CIC: variants seen among roughly 807,000 people sequenced by gnomAD.
CIC encodes capicua transcriptional repressor, also known as protein capicua homolog.
In CIC, 18 loss-of-function variants were observed where a neutral mutation model predicts 115.7. The observed-to-expected ratio is 0.16, with a 90% confidence interval of 0.11 to 0.23. The LOEUF (loss-of-function observed/expected upper bound fraction) is 0.23, where lower values mean the gene tolerates loss of function less well. Ranked by LOEUF, CIC falls within the 10% of genes least tolerant of loss-of-function variation. The probability of loss-of-function intolerance (pLI) is 1.00; values close to 1 mark genes in which losing one functional copy is unlikely to be tolerated. For missense variants in CIC, 2,000 were observed against 2,159.3 expected (o/e 0.93, Z 1.46); for synonymous variants, 1,076 against 923.0 (o/e 1.17, Z -3.01).
rs2036748953 is a variant in CIC, at chr19:42,270,708, A to C, written c.-10-1066A>C. ...CAGGGCGGGGATGCATGCAGGCAAG[A>C]AGAGGGGGGCTGGGCTTGCGGGTAT... On this transcript the variant is annotated intron_variant, in intron 1 of 20. Coordinates refer to ENST00000681038, the MANE Select transcript of CIC (RefSeq NM_001386298.1). This position sits in a 1 kb window ranked among gnomAD's most constrained non-coding sequence, Gnocchi z 4.1. Among the ~76,000 whole-genome samples the C allele has an allele frequency of 6.6e-6, 1 of 151,918 alleles. No individual in the cohort carries two copies. The highest frequency in any genetic ancestry group is 2.1e-4 in the South Asian group (1 of 4,806).
In CIC at chr19:42,293,725, G is replaced by A. The variant is rs2147333565; in HGVS notation, c.6656G>A (p.Ser2219Asn). Residue 2219 changes from serine (S) to asparagine (N), a missense_variant, in exon 17 of 21, where the codon AGC (serine) becomes AAC (asparagine). Ser to Asn is a conservative substitution (Grantham distance 46). Transcript: ENST00000681038. ...GCCCCTGGTGGCAGCAGCGAGAGCA[G>A]CAGTGGGCGGGCAGCCGGGGACACC... ...AVAPGGSSES[S>N]SGRAAGDTPE... 6.2e-7 allele frequency: 1 copy of A among 1,612,930 alleles called. No individual in the cohort carries two copies. Among genetic ancestry groups the A allele is most frequent in the Non-Finnish European group, 8.5e-7 (1 of 1,179,822 alleles).
chr19:42,271,981 G>T lies in CIC; in HGVS notation c.198G>T (p.Glu66Asp), dbSNP rs1317303291. The T allele has an allele frequency of 1.3e-5, 5 of 399,352 alleles. No individual in the cohort carries two copies. Among genetic ancestry groups the T allele is most frequent in the Non-Finnish European group, 1.8e-5 (4 of 226,524 alleles). The allele number at this position is 399,352 out of a possible 1,614,324, so 24.7% of individuals were successfully genotyped here. ...PEEAEEGEEE[E>D]AERGPGAEGP... ...AGGCTGAGGAAGGGGAGGAGGAGGA[G>T]GCTGAGCGGGGCCCTGGGGCTGAAG... Residue 66 changes from glutamate to aspartate, a missense_variant, in exon 2 of 21, where the codon GAG becomes GAT. Glu to Asp is a conservative substitution (Grantham distance 45, BLOSUM62 2). Coordinates refer to ENST00000681038, the MANE Select transcript of CIC (RefSeq NM_001386298.1).
At chr19:42,282,168 C>CT (rs143710083) in intron 2 of CIC, among the ~76,000 whole-genome samples, 1 of 152,348 alleles carries the variant, frequency 6.6e-6, no homozygotes, top group East Asian at 1.9e-4. Flanking sequence ...CTAATAGTCC[C>CT]TCTGGTTGCC....
Position 42,290,596 on chromosome 19 carries a change from G to A in CIC, c.4555G>A (p.Glu1519Lys). The change falls in exon 11 of 21, where the codon GAG becomes AAG. Residue 1519 changes from glutamate to lysine, a missense_variant. By Grantham distance (56) the Glu-to-Lys change is moderately conservative. Coordinates refer to ENST00000681038, the MANE Select transcript of CIC (RefSeq NM_001386298.1). Reference sequence around the variant, plus strand: ...GAGACCCGAAAGTGTGGGTGGCCTGGAGCCACCAGGCCCCTCAGTCATCGC... The same window carrying A: ...GAGACCCGAAAGTGTGGGTGGCCTGAAGCCACCAGGCCCCTCAGTCATCGC... ...RKRPESVGGLEPPGPSVIAAP... is the reference protein window; with the variant it reads ...RKRPESVGGLKPPGPSVIAAP... 1 of 1,613,760 alleles carries A rather than the reference G, an allele frequency of 6.2e-7. No homozygotes were observed. The highest frequency in any genetic ancestry group is 8.5e-7 in the Non-Finnish European group (1 of 1,179,946).
In CIC at chr19:42,290,346, A is replaced by G; in HGVS notation, c.4305A>G (p.Lys1435=). Residue 1435 remains lysine, a synonymous_variant, in exon 11 of 21, where the codon AAA becomes AAG. Transcript: ENST00000681038. ...GPPDPPVAFG[K]GYGSAPSSSA... is the part of the protein sequence containing the mutation. ...CGGATCCTCCTGTAGCCTTTGGCAA[A>G]GGCTATGGTTCCGCCCCATCCTCCT... 6.2e-7 allele frequency: 1 copy of G among 1,613,956 alleles called. No homozygotes were observed. Among genetic ancestry groups the G allele is most frequent in the Non-Finnish European group, 8.5e-7 (1 of 1,179,948 alleles).
intron 7 of CIC, 135 bp from the exon 8 acceptor site, chr19:42,288,753 T>C (rs2037849255): frequency 1.2e-6 from 1 of 803,246 alleles, no homozygotes. Context: ...GTGGTGGTTT[T>C]TTTTTTTCAC....
chr19:42,276,948 T>C (rs918930366), intron 2 of CIC, among the ~76,000 whole-genome samples: 3 of 152,184 alleles, frequency 2.0e-5, no homozygotes, highest in Non-Finnish European at 4.4e-5. Flanking sequence ...AGAGTCTTGA[T>C]TGAGGCCAGC....
At chr19:42,288,422 GC>G (rs948908486) in intron 7 of CIC, among the ~76,000 whole-genome samples, 2 of 152,180 alleles carry the variant, frequency 1.3e-5, no homozygotes, top group Non-Finnish European at 2.9e-5. Context: ...CCCCTGATGG[GC>G]TGCTTCCACT....
chr19:42,279,334 A>C lies in CIC; in HGVS notation c.2794+4757A>C, dbSNP rs111886321. 1.3e-3 allele frequency among the ~76,000 whole-genome samples: 194 copies of C among 152,304 alleles called. 2 individuals carry two copies. Among genetic ancestry groups the C allele is most frequent in the African/African-American group, 4.2e-3 (174 of 41,566 alleles). ...CCTGGGGCAGGTGGGTGAGGAAGGC[A>C]GATGTGGATGCAGGCACAGGCAAGG... On this transcript the variant is annotated intron_variant, in intron 2 of 20. Transcript: ENST00000681038.
chr19:42,288,069 C>A lies in CIC; in HGVS notation c.3658+94C>A. The stretch of plus-strand genomic sequence containing the variant: ...TTGCTCCTCCCCTGCCCCAGCAGCT[C>A]CTCTCTGCTCTATCGCTTTAATTTG... On this transcript the variant is annotated intron_variant, in intron 7 of 20. Coordinates refer to ENST00000681038, the MANE Select transcript of CIC (RefSeq NM_001386298.1). 2.1e-6 allele frequency: 3 copies of A among 1,397,394 alleles called. No individual in the cohort carries two copies. In the South Asian group the frequency reaches 3.7e-5, roughly 17 times the overall value. 86.6% of individuals were successfully genotyped at this position (1,397,394 alleles called of 1,614,324 possible).
rs1162573745 is a variant in CIC, at chr19:42,295,153, C to A, written c.7516C>A (p.Pro2506Thr). The A allele has an allele frequency of 6.8e-7, 1 of 1,462,806 alleles. No individual in the cohort carries two copies. Among genetic ancestry groups the A allele is most frequent in the Non-Finnish European group, 9.0e-7 (1 of 1,110,622 alleles). 90.6% of individuals were successfully genotyped at this position (1,462,806 alleles called of 1,614,324 possible). Reference protein sequence around the residue: ...GWEGAPQPSPPPPGPSTAATG... With the variant: ...GWEGAPQPSPTPPGPSTAATG... Reference sequence around the variant, plus strand: ...GGAGGGGGCTCCCCAGCCCTCCCCCCCACCCCCAGGTCCCTCCACAGCTGC... The same window carrying A: ...GGAGGGGGCTCCCCAGCCCTCCCCCACACCCCCAGGTCCCTCCACAGCTGC... Residue 2506 changes from proline to threonine, a missense_variant, in exon 21 of 21, where the codon CCA becomes ACA. Coordinates refer to ENST00000681038, the MANE Select transcript of CIC (RefSeq NM_001386298.1).
At chr19:42,284,927 A>G (rs2037520247) in intron 2 of CIC, among the ~76,000 whole-genome samples, 1 of 152,020 alleles carries the variant, frequency 6.6e-6, no homozygotes. Flanking sequence ...CCGAGTGGTT[A>G]GTGATGGCAG....
In CIC at chr19:42,290,873, A is replaced by G. The variant is rs202135824; in HGVS notation, c.4832A>G (p.Asn1611Ser). Residue 1611 changes from asparagine to serine, a missense_variant, in exon 11 of 21, where the codon AAT (asparagine) becomes AGT (serine). Physicochemically the swap from Asn to Ser is conservative, Grantham distance 46 (BLOSUM62 1). This residue lies in a region of CIC where 1,466 missense variants were observed against 1,390.4 expected (regional missense o/e 1.05). Transcript: ENST00000681038. ...TCTGGCCGGGCTGAGGCGTCTCCAA[A>G]TGACACAGCAGGTGCCAGGACTGAA... is the stretch of plus-strand genomic sequence containing the variant. ...PTSGRAEASP[N>S]DTAGARTEMG... The G allele has an allele frequency of 2.2e-4, 351 of 1,612,806 alleles. 4 individuals carry two copies. In the East Asian group the frequency reaches 7.7e-3, roughly 35 times the overall value.
At position 42,294,847 on chromosome 19, in the gene CIC, G is replaced by T. The variant is rs2038401349; in HGVS notation, c.7210G>T (p.Ala2404Ser). 3.7e-6 allele frequency: 6 copies of T among 1,601,434 alleles called. No homozygotes were observed. The East Asian group carries it at 1.3e-4, about 36-fold the overall frequency. ...PSAQATAAFQ[A>S]RYADIFPSKV... is the part of the protein sequence containing the mutation. ...AGCCCAGGCCACAGCCGCCTTCCAG[G>T]CCCGCTATGCAGACATCTTTCCCTC... The change falls in exon 21 of 21, where the codon GCC (alanine) becomes TCC (serine). Residue 2404 changes from alanine to serine, a missense_variant. Around this residue, in one of 8 missense-constraint regions of CIC, gnomAD observed 17 missense variants for 17.8 expected, o/e 0.95. Coordinates refer to ENST00000681038, the MANE Select transcript of CIC (RefSeq NM_001386298.1).
rs772983552 is a variant in CIC, at chr19:42,292,216, A to T, written c.5735+9A>T. On this transcript the variant is annotated intron_variant, in intron 13 of 20. Coordinates refer to ENST00000681038, the MANE Select transcript of CIC (RefSeq NM_001386298.1). ...TTGCCCTCCTCCACCAGGTAATTGC[A>T]GCTGAGCCCATACTCAGAGGCCAGG... 23 of 1,613,802 alleles carry T rather than the reference A, an allele frequency of 1.4e-5. No homozygotes were observed. Among genetic ancestry groups the T allele is most frequent in the Non-Finnish European group, 1.9e-5 (22 of 1,180,012 alleles).
chr19:42,271,549 G>A (rs922320852), intron 1 of CIC, among the ~76,000 whole-genome samples: 2 of 152,226 alleles, frequency 1.3e-5, no homozygotes, highest in African/African-American at 4.8e-5. Context: ...GCCAGCAGGT[G>A]TCTGTTCCCC....
rs1161854783 is a variant in CIC at position 42,272,038 on chromosome 19, G to A, written c.255G>A (p.Pro85=). ...CACTGGAGCTGCACCCTGGCGACCC[G>A]GCTCCAGGCCCAGCAGAGGACCCCA... ...GPPLELHPGD[P]APGPAEDPKG... Residue 85 remains proline, a synonymous_variant, in exon 2 of 21, where the codon CCG becomes CCA. Transcript: ENST00000681038. 4 of 398,850 alleles carry A rather than the reference G, an allele frequency of 1.0e-5. No individual in the cohort carries two copies. Among genetic ancestry groups the A allele is most frequent in the Non-Finnish European group, 1.8e-5 (4 of 226,186 alleles). 24.7% of individuals were successfully genotyped at this position (398,850 alleles called of 1,614,324 possible). A position where few individuals can be genotyped will look rare whatever the true frequency, so the allele number is the denominator to read the frequency against.
Position 42,274,182 on chromosome 19 carries a change from G to A in CIC, c.2399G>A (p.Arg800His), listed in dbSNP as rs1193038690. 7 of 399,012 alleles carry A rather than the reference G, an allele frequency of 1.8e-5. No individual in the cohort carries two copies. The highest frequency in any genetic ancestry group is 2.2e-5 in the Non-Finnish European group (5 of 226,398). 24.7% of individuals were successfully genotyped at this position (399,012 alleles called of 1,614,324 possible). Residue 800 changes from arginine (R) to histidine (H), a missense_variant, in exon 2 of 21, where the codon CGC becomes CAC. Physicochemically the swap from Arg to His is conservative, Grantham distance 29. Around this residue, in one of 8 missense-constraint regions of CIC, gnomAD observed 222 missense variants for 247.7 expected, o/e 0.90. Transcript: ENST00000681038. ...GLTSDPGPSV[R>H]RVPAVQRDSP... ...ACCTCGGATCCAGGGCCCTCTGTGCGCAGGGTGCCTGCTGTGCAGCGGGAC... is the reference window on the plus strand; with the variant it reads ...ACCTCGGATCCAGGGCCCTCTGTGCACAGGGTGCCTGCTGTGCAGCGGGAC...
At position 42,290,818 on chromosome 19, in the gene CIC, G is replaced by A; in HGVS notation, c.4777G>A (p.Val1593Met). 1.2e-6 allele frequency: 2 copies of A among 1,608,872 alleles called. No homozygotes were observed. The highest frequency in any genetic ancestry group is 1.7e-6 in the Non-Finnish European group (2 of 1,177,966). Residue 1593 changes from valine to methionine, a missense_variant, in exon 11 of 21, where the codon GTG (valine) becomes ATG (methionine). Transcript: ENST00000681038. ...GGTGCGGCCTGTCAGCAGCACTCCT[G>A]TGCCCATCGCCTCTAAGCCCTTCCC... ...NVVRPVSSTP[V>M]PIASKPFPTS...
Sources: allele counts gnomAD v4.1 joint callset (sites outside exome capture counted in the v4.1 genomes callset), GRCh38; gene constraint gnomAD v4.1.1; regional missense constraint gnomAD v4.1.1; non-coding constraint Gnocchi (gnomAD v3.1); transcripts MANE v1.5; gene names NCBI Gene and HGNC (gene_info 2026-07-23, HGNC 2026-07-21).